The following DPP10 variants were observed in gnomAD, a reference collection of about 807,000 sequenced individuals.
The protein encoded by DPP10 is inactive dipeptidyl peptidase 10.
A neutral mutation model predicts 120.9 loss-of-function variants in DPP10; 33 were observed. That is an observed-to-expected ratio of 0.27 (90% confidence interval 0.21 to 0.37). DPP10 has a LOEUF of 0.37. Ranked by LOEUF, DPP10 falls within the 10% of genes least tolerant of loss-of-function variation. The pLI is 1.00. For missense variants in DPP10, 816 were observed against 942.8 expected (o/e 0.87, Z 1.76); for synonymous variants, 337 against 326.1 (o/e 1.03, Z -0.36).
intron 3 of DPP10, among the ~76,000 whole-genome samples, chr2:115,403,779 C>T (rs1473980845): frequency 6.6e-6 from 1 of 151,996 alleles, no homozygotes; most frequent in East Asian, 1.9e-4. Flanking sequence ...AAAAGGCATA[C>T]TAATAGGAGA....
intron 5 of DPP10, among the ~76,000 whole-genome samples, chr2:115,663,771 C>T (rs941635542): frequency 4.6e-5 from 7 of 151,970 alleles, no homozygotes; most frequent in African/African-American, 1.7e-4. Flanking sequence ...CTGAGGCAGG[C>T]GGATCACGAG....
chr2:114,890,103 G>A (rs1692418470), intron 1 of DPP10, among the ~76,000 whole-genome samples: 1 of 152,158 alleles, frequency 6.6e-6, no homozygotes, highest in African/African-American at 2.4e-5. Context: ...AGACAAACAT[G>A]TTTAATGTTA....
At chr2:115,458,032 C>A (rs559576915) in intron 3 of DPP10, among the ~76,000 whole-genome samples, 7 of 152,056 alleles carry the variant, frequency 4.6e-5, no homozygotes, top group Non-Finnish European at 8.8e-5. Flanking sequence ...AAACATTATG[C>A]TGATTAAAAG....
chr2:115,451,934 T>A (rs1202964901), intron 3 of DPP10, among the ~76,000 whole-genome samples: 1 of 151,592 alleles, frequency 6.6e-6, no homozygotes. Flanking sequence ...ATAGAGGTGG[T>A]GAAAATTTAT....
chr2:115,183,964 G>A (rs1329813923), intron 1 of DPP10, among the ~76,000 whole-genome samples: 1 of 152,178 alleles, frequency 6.6e-6, no homozygotes, highest in Non-Finnish European at 1.5e-5. Flanking sequence ...TCCTGGGGGA[G>A]ACAGGAGGAG....
intron 1 of DPP10, among the ~76,000 whole-genome samples, chr2:115,068,142 T>C (rs546139419): frequency 5.3e-5 from 8 of 152,210 alleles, no homozygotes; most frequent in African/African-American, 1.7e-4. Flanking sequence ...AGAACCTCCA[T>C]ACTGTTTTTA....
At position 114,528,533 on chromosome 2, in the gene DPP10, G is replaced by A. The variant is rs74550580; in HGVS notation, c.60+85695G>A. ...CTATTCATTCATGTTTGCTTTTCTG[G>A]GACTCCTATAACTGATGCCTTGGAT... On this transcript the variant is annotated intron_variant, in intron 1 of 25. Coordinates refer to ENST00000410059, the MANE Select transcript of DPP10 (RefSeq NM_020868.6). 2.0e-5 allele frequency among the ~76,000 whole-genome samples: 3 copies of A among 151,658 alleles called. No individual in the cohort carries two copies. The East Asian group carries it at 5.8e-4, about 29-fold the overall frequency.
intron 5 of DPP10, among the ~76,000 whole-genome samples, chr2:115,651,262 A>G (rs1015941006): frequency 6.6e-6 from 1 of 152,084 alleles, no homozygotes. Flanking sequence ...CTCTGTTTGT[A>G]TAATATGAAT....
At chr2:115,233,284 T>G (rs1192237251) in intron 1 of DPP10, among the ~76,000 whole-genome samples, 1 of 151,996 alleles carries the variant, frequency 6.6e-6, no homozygotes, top group African/African-American at 2.4e-5. Context: ...TGATAATATC[T>G]TATCCAAGAA....
At chr2:115,576,087 T>C (rs6759166) in intron 5 of DPP10, among the ~76,000 whole-genome samples, 72,030 of 152,110 alleles carry the variant, frequency 0.47, 20,960 homozygotes, top group Non-Finnish European at 0.66. Flanking sequence ...TTGTGACCTA[T>C]GAAACTGTAA....
At chr2:114,502,470 A>T (rs1055605694) in intron 1 of DPP10, among the ~76,000 whole-genome samples, 3 of 152,354 alleles carry the variant, frequency 2.0e-5, no homozygotes, top group Non-Finnish European at 2.9e-5. Flanking sequence ...TTTAAAATTT[A>T]AAAAATCATA....
chr2:114,940,664 A>T (rs888693225), intron 1 of DPP10, among the ~76,000 whole-genome samples: 21 of 152,070 alleles, frequency 1.4e-4, no homozygotes, highest in Admixed American at 1.3e-3. Flanking sequence ...CTTTGTCTTT[A>T]CCTTGTGTTG....
intron 7 of DPP10, among the ~76,000 whole-genome samples, chr2:115,697,107 A>T (rs2091634344): frequency 6.6e-6 from 1 of 152,158 alleles, no homozygotes; most frequent in Non-Finnish European, 1.5e-5. Context: ...ATGAGAATGG[A>T]ATTAAAACAT....
At chr2:115,444,248 A>G (rs2072356683) in intron 3 of DPP10, among the ~76,000 whole-genome samples, 1 of 152,162 alleles carries the variant, frequency 6.6e-6, no homozygotes, top group East Asian at 1.9e-4. Flanking sequence ...TCTCACTTCA[A>G]TAAATACTCT....
intron 1 of DPP10, among the ~76,000 whole-genome samples, chr2:115,291,224 G>T (rs1214919272): frequency 1.3e-5 from 2 of 151,908 alleles, no homozygotes; most frequent in African/African-American, 4.8e-5. Context: ...GGCTGATCTT[G>T]AGCTCCTGTG....
Position 114,516,486 on chromosome 2 carries a change from G to T in DPP10, c.60+73648G>T, listed in dbSNP as rs542772150. On this transcript the variant is annotated intron_variant, in intron 1 of 25. Coordinates refer to ENST00000410059, the MANE Select transcript of DPP10 (RefSeq NM_020868.6). Reference sequence around the variant, plus strand: ...AAAGATGAAGAAAGATGATGATTTTGTTCTCAGCTCTTAGTCTTTAGCCTT... The same window carrying T: ...AAAGATGAAGAAAGATGATGATTTTTTTCTCAGCTCTTAGTCTTTAGCCTT... Among the ~76,000 whole-genome samples, 333 of 152,240 alleles carry T rather than the reference G, an allele frequency of 2.2e-3. 1 individual carries two copies. The highest frequency in any genetic ancestry group is 7.0e-3 in the African/African-American group (289 of 41,552).
chr2:115,665,853 A>T (rs1559000660), intron 5 of DPP10, among the ~76,000 whole-genome samples: 2 of 150,078 alleles, frequency 1.3e-5, no homozygotes, highest in Admixed American at 1.3e-4. Flanking sequence ...TCTGTTTTTT[A>T]TTTTTTCCAT....
At chr2:115,548,852 G>A (rs1293186774) in intron 5 of DPP10, among the ~76,000 whole-genome samples, 1 of 152,140 alleles carries the variant, frequency 6.6e-6, no homozygotes, top group Admixed American at 6.6e-5. Context: ...GTGGCATCAT[G>A]TGACAAAGTT....
chr2:115,416,603 GA>G (rs1180609578), intron 3 of DPP10, among the ~76,000 whole-genome samples: 2 of 152,096 alleles, frequency 1.3e-5, no homozygotes, highest in African/African-American at 4.8e-5. Context: ...AGCTTATACT[GA>G]AGAGGAGGAG....
Sources: allele counts gnomAD v4.1 joint callset (sites outside exome capture counted in the v4.1 genomes callset), GRCh38; gene constraint gnomAD v4.1.1; transcripts MANE v1.5; gene names NCBI Gene and HGNC (gene_info 2026-07-23, HGNC 2026-07-21).